The following NRXN1 variants were observed in gnomAD, a reference collection of about 807,000 sequenced individuals.
The protein encoded by NRXN1 is neurexin-1.
In NRXN1, 39 loss-of-function variants were observed where a neutral mutation model predicts 150.9. The observed-to-expected ratio is 0.26, with a 90% CI of 0.20 to 0.34. The LOEUF (loss-of-function observed/expected upper bound fraction) is 0.34, where lower values mean the gene tolerates loss of function less well. Among genes scored for constraint, NRXN1 ranks in the 10% least tolerant of loss-of-function variants. NRXN1 has a pLI of 1.00. For missense variants in NRXN1, 1,815 were observed against 1,949.9 expected (o/e 0.93, Z 1.30); for synonymous variants, 924 against 757.0 (o/e 1.22, Z -3.62).
At chr2:50,584,835 T>C (rs190737497) in intron 8 of NRXN1, among the ~76,000 whole-genome samples, 175 of 152,256 alleles carry the variant, frequency 1.1e-3, no homozygotes, top group Non-Finnish European at 1.7e-3. Flanking sequence ...TATATGAATG[T>C]GATGGAAATA....
intron 19 of NRXN1, among the ~76,000 whole-genome samples, chr2:50,075,078 T>C (rs1437144930): frequency 6.6e-6 from 1 of 152,144 alleles, no homozygotes; most frequent in Non-Finnish European, 1.5e-5. Context: ...AAAATGTATA[T>C]CAGGAAAATG....
chr2:51,014,102 C>A (rs1482411937), intron 2 of NRXN1, among the ~76,000 whole-genome samples: 1 of 152,006 alleles, frequency 6.6e-6, no homozygotes, highest in Non-Finnish European at 1.5e-5. Flanking sequence ...GCAAGTCAGA[C>A]AAAGGCAACA....
intron 10 of NRXN1, among the ~76,000 whole-genome samples, chr2:50,534,892 A>C (rs1436347571): frequency 6.6e-6 from 1 of 152,176 alleles, no homozygotes; most frequent in Admixed American, 6.5e-5. Context: ...TGGATCATAA[A>C]TATAGTGTGA....
At chr2:50,213,222 A>G (rs959495094) in intron 18 of NRXN1, among the ~76,000 whole-genome samples, 1 of 151,910 alleles carries the variant, frequency 6.6e-6, no homozygotes, top group Non-Finnish European at 1.5e-5. Flanking sequence ...AACATTTACA[A>G]TAAGCTAGGC....
intron 5 of NRXN1, among the ~76,000 whole-genome samples, chr2:50,791,349 A>C (rs1463238849): frequency 1.3e-5 from 2 of 150,494 alleles, no homozygotes; most frequent in South Asian, 2.1e-4. Context: ...AGCTTTGACT[A>C]TAAGTAGATC....
chr2:50,265,395 G>C, intron 17 of NRXN1, among the ~76,000 whole-genome samples: 1 of 152,092 alleles, frequency 6.6e-6, no homozygotes, highest in East Asian at 1.9e-4. Context: ...TATTATAGGT[G>C]CACCATCAGA....
intron 21 of NRXN1, among the ~76,000 whole-genome samples, chr2:50,005,023 C>T (rs953628967): frequency 6.6e-6 from 1 of 152,100 alleles, no homozygotes. Context: ...GCCTGTTGCC[C>T]TGCAGCCAGG....
chr2:50,071,182 C>G (rs1468732383), intron 19 of NRXN1, among the ~76,000 whole-genome samples: 1 of 152,182 alleles, frequency 6.6e-6, no homozygotes, highest in Non-Finnish European at 1.5e-5. Flanking sequence ...ATAACTCTGG[C>G]CTGATTAACA....
intron 17 of NRXN1, among the ~76,000 whole-genome samples, chr2:50,416,688 T>A (rs2083563043): frequency 6.6e-6 from 1 of 152,004 alleles, no homozygotes; most frequent in Admixed American, 6.6e-5. Flanking sequence ...AACATGTCCT[T>A]CTTCACATGA....
At chr2:50,282,386 A>G (rs1394542736) in intron 17 of NRXN1, among the ~76,000 whole-genome samples, 3 of 152,202 alleles carry the variant, frequency 2.0e-5, no homozygotes, top group African/African-American at 7.2e-5. Context: ...CCCTTGAGCA[A>G]TACAAGTTGG....
At chr2:50,188,323 C>T (rs182079532) in intron 18 of NRXN1, among the ~76,000 whole-genome samples, 26 of 152,158 alleles carry the variant, frequency 1.7e-4, no homozygotes, top group Middle Eastern at 3.4e-3. Context: ...TAGCCATATG[C>T]AGAAAACTGA....
intron 5 of NRXN1, among the ~76,000 whole-genome samples, chr2:50,903,724 G>A (rs1683272083): frequency 6.6e-6 from 1 of 152,152 alleles, no homozygotes; most frequent in Non-Finnish European, 1.5e-5. Context: ...TAGGCAAAGG[G>A]AGCTGTGTTG....
At chr2:49,965,349 C>G (rs1676773086) in intron 21 of NRXN1, among the ~76,000 whole-genome samples, 2 of 152,144 alleles carry the variant, frequency 1.3e-5, no homozygotes, top group Non-Finnish European at 2.9e-5. Flanking sequence ...TCACTGCAAC[C>G]TCCGCCTCCC....
At chr2:50,460,642 T>C (rs559140274) in intron 17 of NRXN1, among the ~76,000 whole-genome samples, 1 of 152,212 alleles carries the variant, frequency 6.6e-6, no homozygotes, top group East Asian at 1.9e-4. Flanking sequence ...AGCACTTCTA[T>C]GACATATTAC....
At chr2:50,203,072 A>T (rs1350414288) in intron 18 of NRXN1, among the ~76,000 whole-genome samples, 1 of 152,076 alleles carries the variant, frequency 6.6e-6, no homozygotes, top group Non-Finnish European at 1.5e-5. Flanking sequence ...GAATGGCAAA[A>T]CTGTGAAGAG....
chr2:50,902,810 C>G (rs574602022), intron 5 of NRXN1, among the ~76,000 whole-genome samples: 1 of 152,162 alleles, frequency 6.6e-6, no homozygotes, highest in East Asian at 1.9e-4. Flanking sequence ...CCCTTTATCT[C>G]AGATAGTTAT....
chr2:50,596,408 T>C (rs1338797034), intron 8 of NRXN1, among the ~76,000 whole-genome samples: 2 of 152,236 alleles, frequency 1.3e-5, no homozygotes, highest in African/African-American at 4.8e-5. Flanking sequence ...TGGTTCTTTG[T>C]TGATGTACAC....
At chr2:50,749,944 G>T (rs978418019) in intron 5 of NRXN1, among the ~76,000 whole-genome samples, 5 of 151,696 alleles carry the variant, frequency 3.3e-5, no homozygotes, top group African/African-American at 1.2e-4. Flanking sequence ...CTTATTACAG[G>T]GTATGCTTAA....
chr2:50,665,025 T>C (rs147797237), intron 5 of NRXN1, among the ~76,000 whole-genome samples: 65 of 152,142 alleles, frequency 4.3e-4, no homozygotes, highest in African/African-American at 1.5e-3. Context: ...ACTAAAAGCA[T>C]AATTAACTTG....
Sources: gnomAD v4.1 joint callset for allele counts (sites outside exome capture counted in the v4.1 genomes callset) on GRCh38, gnomAD v4.1.1 for gene constraint, MANE v1.5 for transcripts, NCBI Gene and HGNC (gene_info 2026-07-23, HGNC 2026-07-21) for gene names.